Variants in SMIM7 observed in about 807,000 individuals in gnomAD.
The protein encoded by SMIM7 is small integral membrane protein 7.
SMIM7 carries 12 observed loss-of-function variants against 13.3 expected under a neutral mutation model. The observed-to-expected ratio is 0.90, with a 90% confidence interval of 0.58 to 1.46. The LOEUF is 1.46. Ranked by LOEUF, SMIM7 falls within the 40% of genes most tolerant of loss-of-function variation. The probability of loss-of-function intolerance (pLI) is 0.00; values close to 1 mark genes in which losing one functional copy is unlikely to be tolerated. For missense variants in SMIM7, 114 were observed against 94.8 expected (o/e 1.20, Z -0.84); for synonymous variants, 36 against 35.8 (o/e 1.01, Z -0.02).
At chr19:16,645,281 G>A (rs1474084827), downstream of SMIM7, 4 of 152,152 alleles carry the variant, frequency 2.6e-5, no homozygotes, top group African/African-American at 9.7e-5. Flanking sequence ...CTGAGAGCAC[G>A]ATTCATCCCC....
chr19:16,631,005 G>C (rs1278651146), exon 5 of SMIM7: 1 of 152,112 alleles, frequency 6.6e-6, no homozygotes, highest in Non-Finnish European at 1.5e-5. Context: ...GTCCCTTATA[G>C]TATTTAGGTA....
chr19:16,645,519 G>C (rs892214585), downstream of SMIM7: 2 of 152,160 alleles, frequency 1.3e-5, no homozygotes, highest in Admixed American at 1.3e-4. Context: ...GAAATGAATT[G>C]CAGAAGTGAT....
intron 4 of SMIM7, among the ~76,000 whole-genome samples, chr19:16,653,335 C>T (rs62116926): frequency 0.031 from 4,725 of 152,274 alleles, 91 homozygotes; most frequent in South Asian, 0.068. Flanking sequence ...GTAATCTCAG[C>T]ACTTTGGGAG....
chr19:16,637,195 T>C (rs1466449671), intron 4 of SMIM7, among the ~76,000 whole-genome samples: 2 of 152,128 alleles, frequency 1.3e-5, no homozygotes, highest in African/African-American at 4.8e-5. Context: ...ACCAGCAGTA[T>C]TAGCATTACC....
intron 3 of SMIM7, among the ~76,000 whole-genome samples, chr19:16,657,726 G>C (rs1413876669): frequency 3.9e-5 from 6 of 152,206 alleles, no homozygotes; most frequent in African/African-American, 1.4e-4. Flanking sequence ...GGAGCTGCTG[G>C]AGTGTCTTCA....
chr19:16,639,559 A>G (rs140987826), intron 4 of SMIM7, among the ~76,000 whole-genome samples: 1 of 152,308 alleles, frequency 6.6e-6, no homozygotes, highest in East Asian at 1.9e-4. Context: ...TTATAGTGCT[A>G]AAGGAGCCAA....
downstream of SMIM7, among the ~76,000 whole-genome samples, chr19:16,643,037 C>T (rs187844622): frequency 4.5e-4 from 69 of 151,858 alleles, no homozygotes; most frequent in East Asian, 0.011. Flanking sequence ...CTCCTGACCT[C>T]GTGATCCACC....
chr19:16,647,406 C>T (rs994429488), intron 4 of SMIM7, 145 bp from the exon 5 acceptor site: 8 of 891,704 alleles, frequency 9.0e-6, no homozygotes, highest in Middle Eastern at 2.5e-4. Flanking sequence ...ACCTGTGATC[C>T]ACCTGTGAAT....
intron 4 of SMIM7, among the ~76,000 whole-genome samples, chr19:16,651,591 G>A (rs1201779386): frequency 6.6e-6 from 1 of 152,226 alleles, no homozygotes; most frequent in African/African-American, 2.4e-5. Flanking sequence ...ATGAGGGAGT[G>A]AAGATGCTGG....
chr19:16,631,435 CAG>C (rs1187327157), exon 5 of SMIM7: 2 of 152,040 alleles, frequency 1.3e-5, no homozygotes, highest in African/African-American at 4.8e-5. Context: ...GGAAGTAGTT[CAG>C]AGTCCATGAC....
chr19:16,643,105 T>C (rs1351120270), downstream of SMIM7, among the ~76,000 whole-genome samples: 3 of 151,668 alleles, frequency 2.0e-5, no homozygotes, highest in Non-Finnish European at 4.4e-5. Context: ...CCTGGCCAAG[T>C]GAGACTCTGT....
intron 4 of SMIM7, among the ~76,000 whole-genome samples, chr19:16,639,269 C>T (rs1017267500): frequency 2.0e-5 from 3 of 151,840 alleles, no homozygotes; most frequent in African/African-American, 7.3e-5. Flanking sequence ...ATTATAGGCG[C>T]CCACCACCTC....
At chr19:16,636,702 G>A (rs2086363575) in intron 4 of SMIM7, among the ~76,000 whole-genome samples, 1 of 152,204 alleles carries the variant, frequency 6.6e-6, no homozygotes, top group Non-Finnish European at 1.5e-5. Flanking sequence ...CTATAATCCT[G>A]GCACTTTGGG....
chr19:16,652,816 G>T (rs1450224218), intron 4 of SMIM7: 3 of 1,547,288 alleles, frequency 1.9e-6, no homozygotes, highest in African/African-American at 2.7e-5. Flanking sequence ...TACAGGGATG[G>T]ACCCACAGAG....
exon 5 of SMIM7, chr19:16,630,940 G>A (rs1402490431): frequency 1.3e-5 from 2 of 152,196 alleles, no homozygotes; most frequent in Non-Finnish European, 2.9e-5. Flanking sequence ...TCAGTTATGC[G>A]AAGATGCGGC....
chr19:16,659,282 CAAAAAAAAAAAA>C (rs752864646), intron 3 of SMIM7, 101 bp downstream of exon 3: 9 of 550,580 alleles, frequency 1.6e-5, no homozygotes, highest in African/African-American at 3.4e-5. Context: ...GACCTTGTGT[CAAAAAAAAAAAA>C]AAAAAAAAAA....
downstream of SMIM7, among the ~76,000 whole-genome samples, chr19:16,642,022 A>G (rs1230947969): frequency 6.6e-6 from 1 of 152,216 alleles, no homozygotes; most frequent in Admixed American, 6.5e-5. Context: ...TCAATGTGCA[A>G]TGGTGGAGGA....
intron 4 of SMIM7, among the ~76,000 whole-genome samples, chr19:16,635,547 A>G (rs1053071896): frequency 3.3e-5 from 5 of 152,080 alleles, no homozygotes; most frequent in Admixed American, 2.6e-4. Context: ...GGAGCTTCCC[A>G]GAAACAAAGG....
intron 4 of SMIM7, among the ~76,000 whole-genome samples, chr19:16,639,682 T>A (rs560949608): frequency 6.6e-6 from 1 of 152,310 alleles, no homozygotes; most frequent in East Asian, 1.9e-4. Context: ...GGCAGAGACC[T>A]GGGGGCAGGT....
Sources: gnomAD v4.1 joint callset for allele counts (sites outside exome capture counted in the v4.1 genomes callset) on GRCh38, gnomAD v4.1.1 for gene constraint, MANE v1.5 for transcripts, NCBI Gene and HGNC (gene_info 2026-07-23, HGNC 2026-07-21) for gene names.